The following RBFOX1 variants were observed in gnomAD, a reference collection of about 807,000 sequenced individuals.
The protein encoded by RBFOX1 is RNA binding fox-1 homolog 1.
RBFOX1 carries 8 observed loss-of-function variants against 57.7 expected under a neutral mutation model. The observed-to-expected ratio is 0.14, with a 90% CI of 0.08 to 0.25. The LOEUF is 0.25. Ranked by LOEUF, RBFOX1 falls within the 10% of genes least tolerant of loss-of-function variation. The probability of loss-of-function intolerance (pLI) is 1.00; values close to 1 mark genes in which losing one functional copy is unlikely to be tolerated. For synonymous variants in RBFOX1, 326 were observed against 222.4 expected (o/e 1.47, Z -4.15); for missense variants, 611 against 548.5 (o/e 1.11, Z -1.14).
intron 2 of RBFOX1, among the ~76,000 whole-genome samples, chr16:6,635,165 TATTAC>T (rs916210034): frequency 4.8e-5 from 7 of 147,296 alleles, no homozygotes; most frequent in African/African-American, 1.2e-4. Flanking sequence ...GAGTATAATA[TATTAC>T]GAAAGTTTTA....
chr16:7,456,103 C>T (rs759896220), intron 4 of RBFOX1, among the ~76,000 whole-genome samples: 4 of 152,168 alleles, frequency 2.6e-5, no homozygotes, highest in Non-Finnish European at 4.4e-5. Flanking sequence ...TTTGAACAAG[C>T]GTTCCTACAT....
intron 4 of RBFOX1, among the ~76,000 whole-genome samples, chr16:7,417,528 T>TTGTGTGTGTG (rs545621108): frequency 2.5e-3 from 168 of 68,452 alleles, no homozygotes; most frequent in African/African-American, 6.4e-3. Context: ...TCACATGGTA[T>TTGTGTGTGTG]TGTGTGTGTG....
intron 1 of RBFOX1, among the ~76,000 whole-genome samples, chr16:6,293,721 C>T (rs1274151836): frequency 2.0e-5 from 3 of 152,148 alleles, no homozygotes; most frequent in Non-Finnish European, 4.4e-5. Flanking sequence ...GAAGACTCTA[C>T]TGAGAAAAGG....
chr16:7,493,879 C>G (rs2067733593), intron 4 of RBFOX1, among the ~76,000 whole-genome samples: 1 of 152,216 alleles, frequency 6.6e-6, no homozygotes, highest in African/African-American at 2.4e-5. Flanking sequence ...TCATTGTCAT[C>G]ATCATTATCG....
intron 2 of RBFOX1, among the ~76,000 whole-genome samples, chr16:5,594,839 C>T (rs960818356): frequency 4.0e-5 from 6 of 151,806 alleles, no homozygotes; most frequent in African/African-American, 1.5e-4. Context: ...TTTATATACA[C>T]AAAAATGTGT....
chr16:6,788,176 C>A (rs990352783), intron 3 of RBFOX1, among the ~76,000 whole-genome samples: 1 of 152,108 alleles, frequency 6.6e-6, no homozygotes, highest in Admixed American at 6.5e-5. Flanking sequence ...GAGCTGAGAT[C>A]GTGCCAGTGC....
At chr16:7,278,589 A>T (rs993442728) in intron 4 of RBFOX1, among the ~76,000 whole-genome samples, 1 of 152,132 alleles carries the variant, frequency 6.6e-6, no homozygotes, top group Non-Finnish European at 1.5e-5. Context: ...TTTCATATTG[A>T]CTTCTGTTTG....
intron 3 of RBFOX1, among the ~76,000 whole-genome samples, chr16:6,669,713 C>G (rs558587588): frequency 2.0e-5 from 3 of 152,220 alleles, no homozygotes; most frequent in Non-Finnish European, 4.4e-5. Context: ...TTTGTATTTC[C>G]TTTTCAACTG....
chr16:6,993,659 T>A (rs2091851781), intron 3 of RBFOX1, among the ~76,000 whole-genome samples: 1 of 152,192 alleles, frequency 6.6e-6, no homozygotes, highest in Non-Finnish European at 1.5e-5. Context: ...TGATTTGCAC[T>A]ATTTAGCATT....
At chr16:6,409,304 C>T (rs1004301441) in intron 2 of RBFOX1, among the ~76,000 whole-genome samples, 1 of 152,134 alleles carries the variant, frequency 6.6e-6, no homozygotes, top group Admixed American at 6.5e-5. Context: ...ATCCCAGTTA[C>T]TCAGGGGGCT....
At chr16:7,303,891 C>A (rs1410330949) in intron 4 of RBFOX1, among the ~76,000 whole-genome samples, 1 of 151,072 alleles carries the variant, frequency 6.6e-6, no homozygotes, top group Non-Finnish European at 1.5e-5. Flanking sequence ...TCCCATTCAG[C>A]CTCTTCGGGA....
intron 1 of RBFOX1, among the ~76,000 whole-genome samples, chr16:6,034,461 G>A (rs1482304023): frequency 1.3e-5 from 2 of 151,816 alleles, no homozygotes; most frequent in East Asian, 3.9e-4. Context: ...GTCTAGTGAG[G>A]GATGCCCGCT....
chr16:7,304,123 T>A, intron 4 of RBFOX1: 2 of 783,286 alleles, frequency 2.6e-6, no homozygotes, highest in Non-Finnish European at 3.1e-6. Context: ...ATCTAGCACA[T>A]CCCCAGGCGG....
intron 4 of RBFOX1, among the ~76,000 whole-genome samples, chr16:7,141,568 G>C (rs1057433923): frequency 6.6e-6 from 1 of 152,060 alleles, no homozygotes; most frequent in East Asian, 1.9e-4. Flanking sequence ...TTGGAAGGTG[G>C]GGCCATTTAT....
Position 6,807,881 on chromosome 16 carries a change from G to C in RBFOX1, c.-16+153231G>C, listed in dbSNP as rs868417475. Reference sequence around the variant, plus strand: ...TATGTTAGTATATATATCTAGTTCTGTTGAATATATATTATTGTGTGTGTG... The same window carrying C: ...TATGTTAGTATATATATCTAGTTCTCTTGAATATATATTATTGTGTGTGTG... On this transcript the variant is annotated intron_variant, in intron 3 of 15. Transcript: ENST00000550418. Among the ~76,000 whole-genome samples, 11 of 135,920 alleles carry C rather than the reference G, an allele frequency of 8.1e-5. No homozygotes were observed. In the South Asian group the frequency reaches 1.9e-3, roughly 23 times the overall value. 89.2% of individuals were successfully genotyped at this position (135,920 alleles called of 152,430 possible). A position where few individuals can be genotyped will look rare whatever the true frequency, so the allele number is the denominator to read the frequency against.
intron 3 of RBFOX1, among the ~76,000 whole-genome samples, chr16:6,915,441 C>T (rs938657959): frequency 2.0e-5 from 3 of 152,148 alleles, no homozygotes; most frequent in African/African-American, 7.2e-5. Context: ...TTCTTATTTC[C>T]TTGATAACTT....
intron 3 of RBFOX1, among the ~76,000 whole-genome samples, chr16:6,929,285 C>T (rs1356097212): frequency 3.3e-5 from 5 of 152,094 alleles, no homozygotes; most frequent in Admixed American, 3.3e-4. Context: ...AGGTAGGAAA[C>T]TGGGGAAGCT....
At chr16:5,335,338 G>A (rs1405914120) in intron 1 of RBFOX1, among the ~76,000 whole-genome samples, 3 of 152,180 alleles carry the variant, frequency 2.0e-5, no homozygotes, top group African/African-American at 7.2e-5. Flanking sequence ...TGGGAGAGAG[G>A]TGAAGATCTG....
chr16:7,077,507 A>C (rs2058494081), intron 4 of RBFOX1, among the ~76,000 whole-genome samples: 1 of 152,194 alleles, frequency 6.6e-6, no homozygotes, highest in Non-Finnish European at 1.5e-5. Context: ...ACATGGACTA[A>C]TGGGGATATG....
Sources: allele counts gnomAD v4.1 joint callset (sites outside exome capture counted in the v4.1 genomes callset), GRCh38; gene constraint gnomAD v4.1.1; transcripts MANE v1.5; gene names NCBI Gene and HGNC (gene_info 2026-07-23, HGNC 2026-07-21).